The following SLC35D1 variants were observed in gnomAD, a reference collection of about 807,000 sequenced individuals.
SLC35D1 encodes the protein solute carrier family 35 member D1.
SLC35D1 carries 31 observed loss-of-function variants against 46.7 expected under a neutral mutation model. The observed-to-expected ratio is 0.66, with a 90% CI of 0.50 to 0.90. The LOEUF (loss-of-function observed/expected upper bound fraction) is 0.90, where lower values mean the gene tolerates loss of function less well. SLC35D1 is among the 40% of genes least tolerant of loss of function. The pLI is 0.00. For synonymous variants in SLC35D1, 195 were observed against 164.6 expected, an observed-to-expected ratio of 1.18 and a Z score of -1.41; for missense variants, 397 against 426.2, an observed-to-expected ratio of 0.93 and a Z score of 0.60.
At chr1:66,986,614 T>C in the SLC35D1 span, 5 of 674,170 alleles carry the variant, frequency 7.4e-6, no homozygotes, top group Non-Finnish European at 1.3e-5. Context: ...TTCACCAATG[T>C]GAACAACTTT....
At chr1:66,977,298 C>T in the SLC35D1 span, among the ~76,000 whole-genome samples, 2 of 151,810 alleles carry the variant, frequency 1.3e-5, no homozygotes, top group African/African-American at 4.8e-5. Context: ...TTATTAGAGA[C>T]GGGGTTTCAC....
chr1:66,973,872 G>A, the SLC35D1 span, among the ~76,000 whole-genome samples: 4 of 152,036 alleles, frequency 2.6e-5, no homozygotes, highest in South Asian at 2.1e-4. Flanking sequence ...GTTTTGTGTC[G>A]TAGCTTGTCC....
intron 8 of SLC35D1, among the ~76,000 whole-genome samples, chr1:67,031,825 A>G (rs1283947508): frequency 1.3e-5 from 2 of 152,270 alleles, no homozygotes; most frequent in African/African-American, 4.8e-5. Flanking sequence ...AGAAGAAATT[A>G]TTCGCTTAAA....
At chr1:67,012,766 A>G (rs534573849) in intron 10 of SLC35D1, among the ~76,000 whole-genome samples, 1 of 152,266 alleles carries the variant, frequency 6.6e-6, no homozygotes, top group South Asian at 2.1e-4. Flanking sequence ...TTCACAATAA[A>G]GGCTGCTGTA....
chr1:67,004,262 A>T lies in SLC35D1; in HGVS notation c.*78T>A. On this transcript the variant is annotated 3_prime_UTR_variant, in exon 12 of 12. Transcript: ENST00000235345. ...ATTTCCTCCATAATCAAGACACCTC[A>T]GTGTCTCTGTAGGAACTGCCAGTGT... 8.7e-7 allele frequency: 1 copy of T among 1,153,304 alleles called. No individual in the cohort carries two copies. The highest frequency in any genetic ancestry group is 1.7e-5 in the Admixed American group (1 of 58,828). 71.4% of individuals were successfully genotyped at this position (1,153,304 alleles called of 1,614,324 possible).
the SLC35D1 span, among the ~76,000 whole-genome samples, chr1:66,992,293 C>T: frequency 6.6e-6 from 1 of 152,190 alleles, no homozygotes; most frequent in Admixed American, 6.6e-5. Flanking sequence ...CAGCTGGTCC[C>T]AACTGCCTTT....
At chr1:67,041,267 G>A (rs927338662) in intron 8 of SLC35D1, among the ~76,000 whole-genome samples, 1 of 152,032 alleles carries the variant, frequency 6.6e-6, no homozygotes, top group East Asian at 1.9e-4. Context: ...TGGCAGGTAG[G>A]TCACAGTTCA....
intron 8 of SLC35D1, among the ~76,000 whole-genome samples, chr1:67,021,810 T>C (rs1002312845): frequency 3.3e-5 from 5 of 151,824 alleles, no homozygotes; most frequent in Admixed American, 3.3e-4. Context: ...TGTTCAAAGA[T>C]TTCATGTATA....
At chr1:67,053,590 C>T (rs1046689245) in intron 1 of SLC35D1, among the ~76,000 whole-genome samples, 16 of 151,988 alleles carry the variant, frequency 1.1e-4, no homozygotes, top group Admixed American at 2.0e-4. Flanking sequence ...ATGTGCCGGG[C>T]CGGCCGGAGC....
At chr1:67,028,420 C>T (rs1242300614) in intron 8 of SLC35D1, among the ~76,000 whole-genome samples, 1 of 152,272 alleles carries the variant, frequency 6.6e-6, no homozygotes, top group African/African-American at 2.4e-5. Flanking sequence ...TTATCAATTA[C>T]TGAGTTAAAA....
chr1:67,024,037 T>G (rs566120350), intron 8 of SLC35D1, among the ~76,000 whole-genome samples: 1 of 151,818 alleles, frequency 6.6e-6, no homozygotes, highest in Non-Finnish European at 1.5e-5. Flanking sequence ...CTCCGTCTCC[T>G]GGGTTCAAGT....
At chr1:66,996,234 G>GC (rs1381885077), downstream of SLC35D1, among the ~76,000 whole-genome samples, 1 of 152,212 alleles carries the variant, frequency 6.6e-6, no homozygotes, top group Admixed American at 6.5e-5. Context: ...AGCAGGTGTT[G>GC]CCACAAGAGG....
intron 8 of SLC35D1, among the ~76,000 whole-genome samples, chr1:67,032,632 G>A (rs920931937): frequency 2.0e-5 from 3 of 152,136 alleles, no homozygotes; most frequent in African/African-American, 7.2e-5. Flanking sequence ...AGTGAGCCGA[G>A]ATCGCACCAT....
rs964691631 is a variant in SLC35D1, at chr1:67,013,157, G to GATATATAT, written c.877-3998_877-3991dup. Among the ~76,000 whole-genome samples the GATATATAT allele has an allele frequency of 1.3e-3, 39 of 29,832 alleles. 5 individuals are homozygous for GATATATAT. The Admixed American group carries it at 0.015, about 12-fold the overall frequency. 19.6% of individuals were successfully genotyped at this position (29,832 alleles called of 152,430 possible). On this transcript the variant is annotated intron_variant, in intron 10 of 11. Transcript: ENST00000235345. ...ATAATTTAAGAACATATATCCTGGA[G>GATATATAT]ATATATATATATCCTGTTCTTAAAT...
At chr1:67,025,934 T>G (rs1667905060) in intron 8 of SLC35D1, among the ~76,000 whole-genome samples, 1 of 152,182 alleles carries the variant, frequency 6.6e-6, no homozygotes, top group Non-Finnish European at 1.5e-5. Context: ...CAATCACTTT[T>G]TTCTAGATTC....
chr1:66,999,231 C>G (rs891085510), downstream of SLC35D1: 5 of 152,228 alleles, frequency 3.3e-5, no homozygotes, highest in African/African-American at 1.2e-4. Context: ...GTCATACATA[C>G]TATTCATAAA....
chr1:66,975,352 C>A, the SLC35D1 span, among the ~76,000 whole-genome samples: 2 of 152,004 alleles, frequency 1.3e-5, no homozygotes, highest in Non-Finnish European at 2.9e-5. Flanking sequence ...CATGGCAAAA[C>A]CCCATCTCTA....
the SLC35D1 span, among the ~76,000 whole-genome samples, chr1:66,979,574 C>A: frequency 6.6e-6 from 1 of 152,166 alleles, no homozygotes; most frequent in African/African-American, 2.4e-5. Flanking sequence ...CTCAGCATAA[C>A]TTTGATTACC....
At chr1:67,012,211 A>C (rs894613544) in intron 10 of SLC35D1, among the ~76,000 whole-genome samples, 1 of 152,174 alleles carries the variant, frequency 6.6e-6, no homozygotes, top group Admixed American at 6.5e-5. Flanking sequence ...TTAGTACTAA[A>C]AAAGTCCAGT....
Sources: gnomAD v4.1 joint callset for allele counts (sites outside exome capture counted in the v4.1 genomes callset) on GRCh38, gnomAD v4.1.1 for gene constraint, MANE v1.5 for transcripts, NCBI Gene and HGNC (gene_info 2026-07-23, HGNC 2026-07-21) for gene names.